CD14: variants seen among roughly 807,000 people sequenced by gnomAD.
The protein encoded by CD14 is monocyte differentiation antigen CD14.
Under a neutral mutation model 2.5 loss-of-function variants are expected in CD14, and 4 were observed. The ratio of observed to expected loss-of-function variants is 1.63; its 90% CI spans 0.80 to 3.72. The LOEUF (loss-of-function observed/expected upper bound fraction) is 3.72. Ranked by LOEUF, CD14 falls within the 30% of genes most tolerant of loss-of-function variation. The probability of loss-of-function intolerance (pLI) is 0.01; values close to 1 mark genes in which losing one functional copy is unlikely to be tolerated. For synonymous variants in CD14, 236 were observed against 235.1 expected, an observed-to-expected ratio of 1.00 and a Z score of -0.04; for missense variants, 478 against 497.8, an observed-to-expected ratio of 0.96 and a Z score of 0.38.
In CD14 at chr5:140,632,133, G is replaced by A. The variant is rs771360803; in HGVS notation, c.851C>T (p.Ser284Leu). 5 of 1,614,194 alleles carry A rather than the reference G, an allele frequency of 3.1e-6. No individual in the cohort carries two copies. The South Asian group carries it at 5.5e-5, about 18-fold the overall frequency. Residue 284 changes from serine to leucine, a missense_variant, in exon 2 of 2, where the codon TCG becomes TTG. Physicochemically the swap from Ser to Leu is moderately radical, Grantham distance 145 (BLOSUM62 -2). Coordinates refer to ENST00000302014, the MANE Select transcript of CD14 (RefSeq NM_000591.4). The surrounding 1 kb of genome is among the most constrained non-coding windows in gnomAD (Gnocchi z 6.2). The part of the protein sequence containing the change: ...WSSALNSLNL[S>L]FAGLEQVPKG... Reference sequence around the variant, plus strand: ...AGGCACCTGTTCCAGCCCAGCGAACGACAGATTGAGGGAGTTCAGGGCGCT... The same window carrying A: ...AGGCACCTGTTCCAGCCCAGCGAACAACAGATTGAGGGAGTTCAGGGCGCT...
At chr5:140,633,034 G>A (rs746370457) in intron 1 of CD14, 35 bp downstream of exon 1, 1 of 1,613,590 alleles carries the variant, frequency 6.2e-7, no homozygotes, top group Non-Finnish European at 8.5e-7. Context: ...TGGCTCCCGA[G>A]TGGCACGCGT....
rs1488366709 is a variant in CD14 at position 140,632,254 on chromosome 5, G to C, written c.730C>G (p.Leu244Val). 6.2e-7 allele frequency: 1 copy of C among 1,613,680 alleles called. No homozygotes were observed. The highest frequency in any genetic ancestry group is 2.2e-5 in the East Asian group (1 of 44,866). ...METPTGVCAA[L>V]AAAGVQPHSL... ...TGGGGCTGCACACCTGCCGCCGCCA[G>C]TGCGGCGCACACGCCTGTGGGCGTC... Residue 244 changes from leucine (L) to valine (V), a missense_variant, in exon 2 of 2, where the codon CTG becomes GTG. Transcript: ENST00000302014. The surrounding 1 kb of genome is among the most constrained non-coding windows in gnomAD (Gnocchi z 6.2).
chr5:140,632,950 G>C lies in CD14; in HGVS notation c.34C>G (p.Leu12Val). Residue 12 changes from leucine (L) to valine (V), a missense_variant, in exon 2 of 2, where the codon CTG (leucine) becomes GTG (valine). Physicochemically the swap from Leu to Val is conservative, Grantham distance 32 (BLOSUM62 1). Transcript: ENST00000302014. The surrounding 1 kb of genome is among the most constrained non-coding windows in gnomAD (Gnocchi z 6.2). ...GTCGCAGAGACGTGCACCAGCGGCA[G>C]CAGCAGCAGCAACAAGCAGGACGCG... ...ERASCLLLLL[L>V]PLVHVSATTP... The C allele has an allele frequency of 6.2e-7, 1 of 1,614,124 alleles. No individual in the cohort carries two copies. The highest frequency in any genetic ancestry group is 8.5e-7 in the Non-Finnish European group (1 of 1,180,028).
Position 140,632,265 on chromosome 5 carries a change from A to T in CD14, c.719T>A (p.Val240Glu). The T allele has an allele frequency of 1.2e-6, 2 of 1,613,718 alleles. No homozygotes were observed. The highest frequency in any genetic ancestry group is 1.7e-6 in the Non-Finnish European group (2 of 1,180,038). Residue 240 changes from valine to glutamate, a missense_variant, in exon 2 of 2, where the codon GTG (valine) becomes GAG (glutamate). Transcript: ENST00000302014. The surrounding 1 kb of genome is among the most constrained non-coding windows in gnomAD (Gnocchi z 6.2). Reference sequence around the variant, plus strand: ...ACCTGCCGCCGCCAGTGCGGCGCACACGCCTGTGGGCGTCTCCATTCCTGT... The same window carrying T: ...ACCTGCCGCCGCCAGTGCGGCGCACTCGCCTGTGGGCGTCTCCATTCCTGT... ...RNTGMETPTG[V>E]CAALAAAGVQ...
chr5:140,633,408 G>A (rs1756684890), upstream of CD14: 4 of 484,222 alleles, frequency 8.3e-6, no homozygotes, highest in East Asian at 8.0e-5. Flanking sequence ...AGGCGCCCCA[G>A]GCGGTGAATG....
rs777679793 is a variant in CD14, at chr5:140,632,729, C to T, written c.255G>A (p.Thr85=). 3 of 1,613,642 alleles carry T rather than the reference C, an allele frequency of 1.9e-6. No individual in the cohort carries two copies. The highest frequency in any genetic ancestry group is 2.7e-5 in the African/African-American group (2 of 75,054). Residue 85 remains threonine, a synonymous_variant, in exon 2 of 2, where the codon ACG becomes ACA. Coordinates refer to ENST00000302014, the MANE Select transcript of CD14 (RefSeq NM_000591.4). This position sits in a 1 kb window ranked among gnomAD's most constrained non-coding sequence, Gnocchi z 6.2. The part of the protein sequence containing the change: ...ADADPRQYAD[T]VKALRVRRLT... ...GCCGCCGCACGCGGAGAGCCTTGAC[C>T]GTGTCAGCATACTGCCGCGGGTCGG...
rs368600149 is a variant in CD14 at position 140,632,912 on chromosome 5, A to G, written c.72T>C (p.Pro24=). The change falls in exon 2 of 2, where the codon CCT becomes CCC. Residue 24 remains proline (P), a synonymous_variant. Transcript: ENST00000302014. This position sits in a 1 kb window ranked among gnomAD's most constrained non-coding sequence, Gnocchi z 6.2. ...GGAAATCTTCATCGTCCAGCTCACA[A>G]GGTTCTGGCGTGGTCGCAGAGACGT... ...LVHVSATTPE[P]CELDDEDFRC... 7.4e-6 allele frequency: 12 copies of G among 1,614,038 alleles called. No homozygotes were observed. The Admixed American group carries it at 1.2e-4, about 16-fold the overall frequency.
In CD14 at chr5:140,631,839, T is replaced by G; in HGVS notation, c.*17A>C. On this transcript the variant is annotated 3_prime_UTR_variant, in exon 2 of 2. Transcript: ENST00000302014. ...AGCCAAGGCAGTTTGAGTCCATTCATTATTCTGTCTTGGATCTTAGGCAAA... is the reference window on the plus strand; with the variant it reads ...AGCCAAGGCAGTTTGAGTCCATTCAGTATTCTGTCTTGGATCTTAGGCAAA... 6.6e-7 allele frequency: 1 copy of G among 1,524,618 alleles called. No homozygotes were observed. The highest frequency in any genetic ancestry group is 8.8e-7 in the Non-Finnish European group (1 of 1,133,518). The allele number at this position is 1,524,618 out of a possible 1,614,324, so 94.4% of individuals were successfully genotyped here.
Position 140,632,771 on chromosome 5 carries a change from C to T in CD14, c.213G>A (p.Lys71=). 1 of 1,613,570 alleles carries T rather than the reference C, an allele frequency of 6.2e-7. No individual in the cohort carries two copies. Residue 71 remains lysine (K), a synonymous_variant, in exon 2 of 2, where the codon AAG becomes AAA. Coordinates refer to ENST00000302014, the MANE Select transcript of CD14 (RefSeq NM_000591.4). The surrounding 1 kb of genome is among the most constrained non-coding windows in gnomAD (Gnocchi z 6.2). ...GCGGGTCGGCGTCCGCATCGACGCG[C>T]TTTAGAAACGGCTCTAGGTTGAGAC... ...AGGLNLEPFL[K]RVDADADPRQ...
rs759809666 is a variant in CD14, at chr5:140,632,556, G to C, written c.428C>G (p.Ala143Gly). 7 of 1,614,044 alleles carry C rather than the reference G, an allele frequency of 4.3e-6. No individual in the cohort carries two copies. The highest frequency in any genetic ancestry group is 5.9e-6 in the Non-Finnish European group (7 of 1,180,052). ...PPLPLEATGL[A>G]LSSLRLRNVS... ...GTTGCGTAGGCGCAAGCTGGAAAGT[G>C]CAAGTCCTGTGGCTTCCAGAGGCAG... is the stretch of plus-strand genomic sequence containing the variant. Residue 143 changes from alanine to glycine, a missense_variant, in exon 2 of 2, where the codon GCA becomes GGA. By Grantham distance (60) the Ala-to-Gly change is moderately conservative. Transcript: ENST00000302014. This position sits in a 1 kb window ranked among gnomAD's most constrained non-coding sequence, Gnocchi z 6.2.
In CD14 at chr5:140,632,541, C is replaced by A. The variant is rs748096791; in HGVS notation, c.443G>T (p.Arg148Leu). ...EATGLALSSL[R>L]LRNVSWATGR... Reference sequence around the variant, plus strand: ...TGTCGCCCACGACACGTTGCGTAGGCGCAAGCTGGAAAGTGCAAGTCCTGT... The same window carrying A: ...TGTCGCCCACGACACGTTGCGTAGGAGCAAGCTGGAAAGTGCAAGTCCTGT... The change falls in exon 2 of 2, where the codon CGC becomes CTC. Residue 148 changes from arginine to leucine, a missense_variant. Arg to Leu is a moderately radical substitution (Grantham distance 102). Transcript: ENST00000302014. The surrounding 1 kb of genome is among the most constrained non-coding windows in gnomAD (Gnocchi z 6.2). The A allele has an allele frequency of 6.2e-7, 1 of 1,614,158 alleles. No homozygotes were observed. Among genetic ancestry groups the A allele is most frequent in the South Asian group, 1.1e-5 (1 of 91,092 alleles).
In CD14 at chr5:140,632,614, C is replaced by T. The variant is rs755997839; in HGVS notation, c.370G>A (p.Glu124Lys). Residue 124 changes from glutamate to lysine, a missense_variant, in exon 2 of 2, where the codon GAG becomes AAG. Physicochemically the swap from Glu to Lys is moderately conservative, Grantham distance 56 (BLOSUM62 1). Coordinates refer to ENST00000302014, the MANE Select transcript of CD14 (RefSeq NM_000591.4). The surrounding 1 kb of genome is among the most constrained non-coding windows in gnomAD (Gnocchi z 6.2). The part of the protein sequence containing the change: ...AYSRLKELTL[E>K]DLKITGTMPP... ...ATGGTGCCGGTTATCTTTAGGTCCTCGAGCGTCAGTTCCTTGAGGCGGGAG... is the reference window on the plus strand; with the variant it reads ...ATGGTGCCGGTTATCTTTAGGTCCTTGAGCGTCAGTTCCTTGAGGCGGGAG... 1.9e-6 allele frequency: 3 copies of T among 1,613,788 alleles called. No individual in the cohort carries two copies. The highest frequency in any genetic ancestry group is 3.3e-5 in the Admixed American group (2 of 60,008).
Position 140,632,880 on chromosome 5 carries a change from A to C in CD14, c.104T>G (p.Val35Gly). 6.8e-6 allele frequency: 11 copies of C among 1,614,154 alleles called. No individual in the cohort carries two copies. Among genetic ancestry groups the C allele is most frequent in the Non-Finnish European group, 9.3e-6 (11 of 1,180,024 alleles). ...CELDDEDFRCVCNFSEPQPDW... is the reference protein window; with the variant it reads ...CELDDEDFRCGCNFSEPQPDW... ...GGGCTGAGGTTCGGAGAAGTTGCAGACGCAGCGGAAATCTTCATCGTCCAG... is the reference window on the plus strand; with the variant it reads ...GGGCTGAGGTTCGGAGAAGTTGCAGCCGCAGCGGAAATCTTCATCGTCCAG... The change falls in exon 2 of 2, where the codon GTC becomes GGC. Residue 35 changes from valine (V) to glycine (G), a missense_variant. By Grantham distance (109) the Val-to-Gly change is moderately radical. Coordinates refer to ENST00000302014, the MANE Select transcript of CD14 (RefSeq NM_000591.4). This position sits in a 1 kb window ranked among gnomAD's most constrained non-coding sequence, Gnocchi z 6.2.
chr5:140,633,240 G>C, upstream of CD14: 1 of 808,660 alleles, frequency 1.2e-6, no homozygotes, highest in Admixed American at 2.0e-5. Context: ...CCTCCTCTGT[G>C]AACCCTGATC....
In CD14 at chr5:140,632,457, C is replaced by A; in HGVS notation, c.527G>T (p.Ser176Ile). Residue 176 changes from serine to isoleucine, a missense_variant, in exon 2 of 2, where the codon AGC (serine) becomes ATC (isoleucine). Ser to Ile is a moderately radical substitution (Grantham distance 142). Coordinates refer to ENST00000302014, the MANE Select transcript of CD14 (RefSeq NM_000591.4). The surrounding 1 kb of genome is among the most constrained non-coding windows in gnomAD (Gnocchi z 6.2). Reference protein sequence around the residue: ...QWLKPGLKVLSIAQAHSPAFS... With the variant: ...QWLKPGLKVLIIAQAHSPAFS... Reference sequence around the variant, plus strand: ...GGCAGGCGAGTGTGCTTGGGCAATGCTCAGTACCTTGAGGCCTGGCTTGAG... The same window carrying A: ...GGCAGGCGAGTGTGCTTGGGCAATGATCAGTACCTTGAGGCCTGGCTTGAG... The A allele has an allele frequency of 1.2e-6, 2 of 1,614,220 alleles. No individual in the cohort carries two copies. Among genetic ancestry groups the A allele is most frequent in the South Asian group, 1.1e-5 (1 of 91,090 alleles).
At chr5:140,633,371 T>C (rs898823250), upstream of CD14, 1 of 538,848 alleles carries the variant, frequency 1.9e-6, no homozygotes, top group Admixed American at 3.1e-5. Context: ...TAGGGTTCTG[T>C]GTCTCCTGGC....
At chr5:140,633,468 A>G (rs1178733331), upstream of CD14, 1 of 399,356 alleles carries the variant, frequency 2.5e-6, no homozygotes, top group African/African-American at 2.1e-5. Flanking sequence ...TGGGAAAAGG[A>G]TGATCCTCAG....
In CD14 at chr5:140,631,966, G is replaced by A. The variant is rs368708682; in HGVS notation, c.1018C>T (p.His340Tyr). The A allele has an allele frequency of 3.3e-5, 53 of 1,613,526 alleles. No individual in the cohort carries two copies. The highest frequency in any genetic ancestry group is 3.3e-4 in the Middle Eastern group (2 of 6,082). Residue 340 changes from histidine (H) to tyrosine (Y), a missense_variant, in exon 2 of 2, where the codon CAC (histidine) becomes TAC (tyrosine). By Grantham distance (83) the His-to-Tyr change is moderately conservative (BLOSUM62 2). Transcript: ENST00000302014. Reference sequence around the variant, plus strand: ...ACGCCGGAGTTCATTGAGCCCTCGTGGGGGAGGGCAGTTCCAGGGACCAGG... The same window carrying A: ...ACGCCGGAGTTCATTGAGCCCTCGTAGGGGAGGGCAGTTCCAGGGACCAGG... ...PFLVPGTALP[H>Y]EGSMNSGVVP...
chr5:140,632,749 G>T lies in CD14; in HGVS notation c.235C>A (p.Pro79Thr), dbSNP rs777124746. 9 of 1,613,370 alleles carry T rather than the reference G, an allele frequency of 5.6e-6. No individual in the cohort carries two copies. Among genetic ancestry groups the T allele is most frequent in the Non-Finnish European group, 7.6e-6 (9 of 1,179,980 alleles). ...TTGACCGTGTCAGCATACTGCCGCGGGTCGGCGTCCGCATCGACGCGCTTT... is the reference window on the plus strand; with the variant it reads ...TTGACCGTGTCAGCATACTGCCGCGTGTCGGCGTCCGCATCGACGCGCTTT... ...FLKRVDADADPRQYADTVKAL... is the reference protein window; with the variant it reads ...FLKRVDADADTRQYADTVKAL... The change falls in exon 2 of 2, where the codon CCG becomes ACG. Residue 79 changes from proline (P) to threonine (T), a missense_variant. Physicochemically the swap from Pro to Thr is conservative, Grantham distance 38 (BLOSUM62 -1). Transcript: ENST00000302014. The surrounding 1 kb of genome is among the most constrained non-coding windows in gnomAD (Gnocchi z 6.2).
Sources: allele counts gnomAD v4.1 joint callset, GRCh38; gene constraint gnomAD v4.1.1; non-coding constraint Gnocchi (gnomAD v3.1); transcripts MANE v1.5; gene names NCBI Gene and HGNC (gene_info 2026-07-23, HGNC 2026-07-21).